Variants in RSBN1L observed in about 807,000 individuals in gnomAD.
RSBN1L encodes lysine-specific demethylase RSBN1L.
In RSBN1L, 30 loss-of-function variants were observed where a neutral mutation model predicts 67.7. The observed-to-expected ratio is 0.44, with a 90% CI of 0.33 to 0.60. The LOEUF (loss-of-function observed/expected upper bound fraction) is 0.60. Among genes scored for constraint, RSBN1L ranks in the 20% least tolerant of loss-of-function variants. The probability of loss-of-function intolerance (pLI) is 0.02; values close to 1 mark genes in which losing one functional copy is unlikely to be tolerated. For missense variants in RSBN1L, 992 were observed against 1,031.7 expected (o/e 0.96, Z 0.53); for synonymous variants, 433 against 387.0 (o/e 1.12, Z -1.39).
chr7:77,707,049 A>T (rs1203766796), intron 1 of RSBN1L, among the ~76,000 whole-genome samples: 3 of 146,724 alleles, frequency 2.0e-5, no homozygotes, highest in East Asian at 3.9e-4. Flanking sequence ...TTTGAAACAG[A>T]GTCTCACTCT....
intron 1 of RSBN1L, among the ~76,000 whole-genome samples, chr7:77,735,286 T>C (rs1584288004): frequency 2.0e-5 from 3 of 152,294 alleles, no homozygotes; most frequent in South Asian, 2.1e-4. Context: ...GTGTCATAAA[T>C]GTAAAATATA....
chr7:77,705,873 C>T (rs1790885187), intron 1 of RSBN1L, among the ~76,000 whole-genome samples: 1 of 151,636 alleles, frequency 6.6e-6, no homozygotes, highest in Admixed American at 6.6e-5. Flanking sequence ...TATCCAATTC[C>T]CTAATTGTCT....
intron 3 of RSBN1L, among the ~76,000 whole-genome samples, chr7:77,755,181 T>A (rs1478231223): frequency 6.6e-6 from 1 of 152,140 alleles, no homozygotes; most frequent in Non-Finnish European, 1.5e-5. Context: ...TTACTTAATA[T>A]AAACCACAGC....
Position 77,696,475 on chromosome 7 carries a change from G to A in RSBN1L, c.6G>A (p.Ala2=), listed in dbSNP as rs1244843962. ...AAATACAACAGGAGCGCAAAATGGCGGAACCGCCGAGCCCCGTGCACTGTG... is the reference window on the plus strand; with the variant it reads ...AAATACAACAGGAGCGCAAAATGGCAGAACCGCCGAGCCCCGTGCACTGTG... M[A]EPPSPVHCVA... The change falls in exon 1 of 8, where the codon GCG becomes GCA. Residue 2 remains alanine, a synonymous_variant. Transcript: ENST00000334955. 6.9e-6 allele frequency: 11 copies of A among 1,605,568 alleles called. No homozygotes were observed. Among genetic ancestry groups the A allele is most frequent in the Non-Finnish European group, 9.4e-6 (11 of 1,175,284 alleles).
At chr7:77,755,913 C>T (rs1327115363) in intron 3 of RSBN1L, among the ~76,000 whole-genome samples, 1 of 152,164 alleles carries the variant, frequency 6.6e-6, no homozygotes, top group Non-Finnish European at 1.5e-5. Context: ...ATGCTTTCTA[C>T]AGAGCAGAGG....
chr7:77,754,244 T>G (rs956708353), intron 3 of RSBN1L, among the ~76,000 whole-genome samples: 4 of 152,192 alleles, frequency 2.6e-5, no homozygotes, highest in African/African-American at 4.8e-5. Flanking sequence ...TTGCCAGCTT[T>G]GTTCTTCAAG....
At position 77,761,215 on chromosome 7, in the gene RSBN1L, G is replaced by A. The variant is rs542088534; in HGVS notation, c.1345-4280G>A. ...TTTGTCATTATGATACAATACTGAT[G>A]CCTTAGGGCAGCTGCAGCTGTGCTT... On this transcript the variant is annotated intron_variant, in intron 3 of 7. Transcript: ENST00000334955. Among the ~76,000 whole-genome samples the A allele has an allele frequency of 9.9e-5, 15 of 152,264 alleles. No homozygotes were observed. The Middle Eastern group carries it at 0.01, about 104-fold the overall frequency.
chr7:77,724,103 C>G (rs926559732), intron 1 of RSBN1L, among the ~76,000 whole-genome samples: 6 of 152,020 alleles, frequency 3.9e-5, no homozygotes, highest in African/African-American at 7.2e-5. Flanking sequence ...TAATTTTCTC[C>G]TTTTTTTCTC....
intron 1 of RSBN1L, among the ~76,000 whole-genome samples, chr7:77,732,481 C>T (rs182183858): frequency 7.8e-4 from 118 of 152,188 alleles, no homozygotes; most frequent in South Asian, 7.0e-3. Context: ...TAAAGGCACC[C>T]GCCACCATGC....
rs1009607580 is a variant in RSBN1L, at chr7:77,781,006, T to C, written c.*1838T>C. On this transcript the variant is annotated 3_prime_UTR_variant, in exon 8 of 8. Coordinates refer to ENST00000334955, the MANE Select transcript of RSBN1L (RefSeq NM_198467.3). ...TCAATTGGGGTTCTTTGTGCTGCCT[T>C]TTGGGTTACTGTTGGTATTTCCATT... 2 of 152,254 alleles carry C rather than the reference T, an allele frequency of 1.3e-5. No individual in the cohort carries two copies. Among genetic ancestry groups the C allele is most frequent in the Non-Finnish European group, 2.9e-5 (2 of 68,052 alleles). The allele number at this position is 152,254 out of a possible 1,614,324, so 9.4% of individuals were successfully genotyped here.
At chr7:77,717,203 A>G (rs1791060359) in intron 1 of RSBN1L, among the ~76,000 whole-genome samples, 1 of 151,814 alleles carries the variant, frequency 6.6e-6, no homozygotes, top group South Asian at 2.1e-4. Flanking sequence ...TTGACCTCCC[A>G]AAGTTGGGAT....
At chr7:77,709,148 CTGTTTGTGTG>C (rs1437162355) in intron 1 of RSBN1L, among the ~76,000 whole-genome samples, 6 of 113,008 alleles carry the variant, frequency 5.3e-5, no homozygotes, top group African/African-American at 1.7e-4. Flanking sequence ...AGAAGGGATT[CTGTTTGTGTG>C]TGTGTGTGTG....
chr7:77,696,659 G>A lies in RSBN1L; in HGVS notation c.190G>A (p.Gly64Arg), dbSNP rs1272326660. ...RRVNGEGGSG[G>R]NSRQLQPPAA... Reference sequence around the variant, plus strand: ...AGTGAACGGAGAAGGGGGCAGCGGCGGGAACAGCAGGCAGCTGCAGCCGCC... The same window carrying A: ...AGTGAACGGAGAAGGGGGCAGCGGCAGGAACAGCAGGCAGCTGCAGCCGCC... Residue 64 changes from glycine to arginine, a missense_variant, in exon 1 of 8, where the codon GGG becomes AGG. Gly to Arg is a moderately radical substitution (Grantham distance 125). This residue lies in a region of RSBN1L where 575 missense variants were observed against 483.2 expected (regional missense o/e 1.19). Transcript: ENST00000334955. 8.7e-6 allele frequency: 14 copies of A among 1,612,020 alleles called. No homozygotes were observed. The highest frequency in any genetic ancestry group is 1.2e-5 in the Non-Finnish European group (14 of 1,179,410).
intron 1 of RSBN1L, among the ~76,000 whole-genome samples, chr7:77,718,001 A>C (rs1455340724): frequency 1.2e-4 from 18 of 152,258 alleles, no homozygotes. Flanking sequence ...TCGGGGCGAC[A>C]GAGCGAGACT....
chr7:77,725,420 T>C (rs1277160187), intron 1 of RSBN1L, among the ~76,000 whole-genome samples: 1 of 149,448 alleles, frequency 6.7e-6, no homozygotes, highest in South Asian at 2.1e-4. Flanking sequence ...GCTTATTTTG[T>C]ATTTTTAGTA....
At position 77,696,720 on chromosome 7, in the gene RSBN1L, C is replaced by T. The variant is rs1183278203; in HGVS notation, c.251C>T (p.Ala84Val). The change falls in exon 1 of 8, where the codon GCG (alanine) becomes GTG (valine). Residue 84 changes from alanine to valine, a missense_variant. This residue lies in a region of RSBN1L where 575 missense variants were observed against 483.2 expected (regional missense o/e 1.19). Transcript: ENST00000334955. ...APSPQSYGSP[A>V]SWSFAPLSAA... ...TCGCCTCAGAGCTATGGCAGCCCCG[C>T]GTCTTGGAGCTTTGCCCCTCTGTCT... is the stretch of plus-strand genomic sequence containing the variant. 2 of 1,613,434 alleles carry T rather than the reference C, an allele frequency of 1.2e-6. No individual in the cohort carries two copies. Among genetic ancestry groups the T allele is most frequent in the Admixed American group, 1.7e-5 (1 of 60,000 alleles).
At chr7:77,738,862 C>A (rs1300784485) in intron 2 of RSBN1L, among the ~76,000 whole-genome samples, 1 of 152,070 alleles carries the variant, frequency 6.6e-6, no homozygotes, top group Non-Finnish European at 1.5e-5. Flanking sequence ...TCGCTTGAAC[C>A]CAGGAGGCGG....
intron 4 of RSBN1L, among the ~76,000 whole-genome samples, chr7:77,766,024 G>C (rs1791761818): frequency 6.6e-6 from 1 of 152,174 alleles, no homozygotes; most frequent in Admixed American, 6.5e-5. Flanking sequence ...CAAAGGAATG[G>C]CAGTTTAGCA....
chr7:77,755,589 C>A (rs1382633098), intron 3 of RSBN1L, among the ~76,000 whole-genome samples: 1 of 152,074 alleles, frequency 6.6e-6, no homozygotes. Context: ...ATCACTTGAG[C>A]CCTGGAGGCG....
Sources: gnomAD v4.1 joint callset for allele counts (sites outside exome capture counted in the v4.1 genomes callset) on GRCh38, gnomAD v4.1.1 for gene constraint, gnomAD v4.1.1 regional missense constraint, MANE v1.5 for transcripts, NCBI Gene and HGNC (gene_info 2026-07-23, HGNC 2026-07-21) for gene names.